Variants in DMD observed in about 807,000 individuals in gnomAD.
DMD encodes the protein mutant dystrophin.
Under a neutral mutation model 330.1 loss-of-function variants are expected in DMD, and 63 were observed. The observed-to-expected ratio is 0.19, with a 90% confidence interval of 0.16 to 0.24. DMD has a LOEUF of 0.24. Among genes scored for constraint, DMD ranks in the 10% least tolerant of loss-of-function variants. The probability of loss-of-function intolerance (pLI) is 1.00; values close to 1 mark genes in which losing one functional copy is unlikely to be tolerated. For synonymous variants in DMD, 1,223 were observed against 959.8 expected, an observed-to-expected ratio of 1.27 and a Z score of -5.07; for missense variants, 3,344 against 2,684.1, an observed-to-expected ratio of 1.25 and a Z score of -5.43.
chrX:32,543,992 G>C (rs2048731918), intron 17 of DMD, among the ~76,000 whole-genome samples: 2 of 111,937 alleles, frequency 1.8e-5, no homozygotes, highest in Non-Finnish European at 3.8e-5. Flanking sequence ...ATGTAATTTT[G>C]ACATGTCATA....
At chrX:32,030,538 T>G (rs2095875417) in intron 44 of DMD, among the ~76,000 whole-genome samples, 1 of 111,969 alleles carries the variant, frequency 8.9e-6, no homozygotes, top group Admixed American at 9.5e-5. Context: ...CAGTCAAAAA[T>G]TTCTGTCCAT....
rs1377349323 is a variant in DMD, at chrX:31,665,014, A to G, written c.7873-6870T>C. 9.0e-5 allele frequency among the ~76,000 whole-genome samples: 10 copies of G among 111,540 alleles called. No individual in the cohort carries two copies. In the East Asian group the frequency reaches 2.8e-3, roughly 31 times the overall value. On this transcript the variant is annotated intron_variant, in intron 53 of 78. Transcript: ENST00000357033. ...ATCTTCTTCCTTTTTGAGCAATTCCATAATTGTCCACATGAGAATATAAAT... is the reference window on the plus strand; with the variant it reads ...ATCTTCTTCCTTTTTGAGCAATTCCGTAATTGTCCACATGAGAATATAAAT...
chrX:32,167,707 G>A (rs2096873157), intron 44 of DMD, among the ~76,000 whole-genome samples: 1 of 112,091 alleles, frequency 8.9e-6, no homozygotes, highest in Admixed American at 9.5e-5. Context: ...ACTGGAGAGG[G>A]ATGAATAGGC....
intron 11 of DMD, among the ~76,000 whole-genome samples, chrX:32,626,851 A>C (rs1346198071): frequency 9.5e-6 from 1 of 105,289 alleles, no homozygotes; most frequent in Non-Finnish European, 1.9e-5. Flanking sequence ...AAAGAAATCC[A>C]AGATAGGTTA....
At chrX:32,572,208 G>C (rs1490782802) in intron 15 of DMD, among the ~76,000 whole-genome samples, 17 of 110,804 alleles carry the variant, frequency 1.5e-4, no homozygotes, top group Non-Finnish European at 1.5e-4. Context: ...TAAATTAAAA[G>C]ACCAATGAGG....
At chrX:32,657,764 C>G (rs180712769) in intron 9 of DMD, among the ~76,000 whole-genome samples, 1 of 111,437 alleles carries the variant, frequency 9.0e-6, no homozygotes, top group East Asian at 2.8e-4. Flanking sequence ...CAAAATGTCT[C>G]AGAAGACCAA....
intron 7 of DMD, among the ~76,000 whole-genome samples, chrX:32,736,596 A>T (rs1378853018): frequency 9.0e-6 from 1 of 110,967 alleles, no homozygotes; most frequent in African/African-American, 3.3e-5. Flanking sequence ...ATAAAAAATG[A>T]TGAGTTCATG....
intron 37 of DMD, 85 bp downstream of exon 37, chrX:32,362,703 G>T: frequency 9.4e-7 from 1 of 1,062,061 alleles, no homozygotes; most frequent in Middle Eastern, 2.5e-4. Context: ...TTGCTGTGGG[G>T]TCTACTTGCC....
intron 60 of DMD, among the ~76,000 whole-genome samples, chrX:31,433,169 T>G (rs57896250): frequency 0.099 from 11,110 of 111,674 alleles, 490 homozygotes; most frequent in East Asian, 0.33. Flanking sequence ...TGTTTCTGCT[T>G]TAATTCGCTT....
chrX:32,447,555 C>G (rs1218001993), intron 27 of DMD, among the ~76,000 whole-genome samples: 1 of 111,289 alleles, frequency 9.0e-6, no homozygotes, highest in African/African-American at 3.3e-5. Context: ...TATTATTGAT[C>G]TGAATCGTAT....
intron 60 of DMD, among the ~76,000 whole-genome samples, chrX:31,380,002 C>T (rs2060082320): frequency 9.0e-6 from 1 of 111,424 alleles, no homozygotes; most frequent in African/African-American, 3.3e-5. Context: ...CTCAGAAGCC[C>T]CCTAGACCAT....
At chrX:32,746,033 A>G (rs2069962001) in intron 7 of DMD, among the ~76,000 whole-genome samples, 1 of 112,331 alleles carries the variant, frequency 8.9e-6, no homozygotes, top group Admixed American at 9.5e-5. Flanking sequence ...TTTTCACCAA[A>G]TCTGCAAATC....
chrX:31,865,376 T>C (rs760307840), intron 48 of DMD, among the ~76,000 whole-genome samples: 68 of 112,229 alleles, frequency 6.1e-4, no homozygotes, highest in African/African-American at 2.2e-3. Context: ...TCCACTGATA[T>C]TTTCATATCC....
chrX:31,629,640 T>A (rs752656656), intron 54 of DMD, among the ~76,000 whole-genome samples: 1 of 111,746 alleles, frequency 8.9e-6, no homozygotes, highest in East Asian at 2.8e-4. Flanking sequence ...AGGCAAACTA[T>A]CAATGCAAGG....
intron 2 of DMD, among the ~76,000 whole-genome samples, chrX:32,884,029 C>G (rs1012056953): frequency 5.5e-5 from 6 of 109,456 alleles, no homozygotes; most frequent in Non-Finnish European, 1.1e-4. Context: ...TTGATGTACT[C>G]TATCCCTTGC....
chrX:33,045,557 T>C (rs1346661547), intron 1 of DMD, among the ~76,000 whole-genome samples: 2 of 110,501 alleles, frequency 1.8e-5, no homozygotes, highest in Non-Finnish European at 3.8e-5. Context: ...TGTTTAAAAG[T>C]TTTTACCTGC....
At chrX:32,155,951 T>C (rs1316281845) in intron 44 of DMD, among the ~76,000 whole-genome samples, 2 of 99,287 alleles carry the variant, frequency 2.0e-5, no homozygotes, top group Non-Finnish European at 4.1e-5. Flanking sequence ...TAAGAGTGTG[T>C]GTGTGTATCC....
chrX:31,642,045 G>A (rs922762733), intron 54 of DMD, among the ~76,000 whole-genome samples: 8 of 111,624 alleles, frequency 7.2e-5, no homozygotes, highest in African/African-American at 2.3e-4. Context: ...CAAAATTCAC[G>A]TCTTCTGTTG....
At chrX:33,190,990 A>G (rs1194084321) in intron 1 of DMD, among the ~76,000 whole-genome samples, 1 of 1,034 alleles carries the variant, frequency 9.7e-4, no homozygotes, top group Middle Eastern at 0.5. Context: ...ATATATATAT[A>G]TATAATATAT....
Sources: allele counts gnomAD v4.1 joint callset (sites outside exome capture counted in the v4.1 genomes callset), GRCh38; gene constraint gnomAD v4.1.1; transcripts MANE v1.5; gene names NCBI Gene and HGNC (gene_info 2026-07-23, HGNC 2026-07-21).